The following RGS9 variants were observed in gnomAD, a reference collection of about 807,000 sequenced individuals.
RGS9 encodes regulator of G protein signaling 9.
In RGS9, 78 loss-of-function variants were observed where a neutral mutation model predicts 102.0. That is an observed-to-expected ratio of 0.76 (90% CI 0.64 to 0.92). RGS9 has a LOEUF of 0.92. Ranked by LOEUF, RGS9 falls within the 40% of genes least tolerant of loss-of-function variation. The pLI, the probability that RGS9 is intolerant of heterozygous loss-of-function variation, is 0.00. For missense variants in RGS9, 833 were observed against 866.1 expected, an observed-to-expected ratio of 0.96 and a Z score of 0.48; for synonymous variants, 353 against 318.6, an observed-to-expected ratio of 1.11 and a Z score of -1.15.
chr17:65,225,083 T>G lies in RGS9; in HGVS notation c.1489T>G (p.Ser497Ala), dbSNP rs766182990. ...CMPPSPSSPF[S>A]SSCRSPRKPF... is the part of the protein sequence containing the mutation. ...GCCCCCGTCTCCTTCTAGCCCCTTC[T>G]CCTCCTCCTGCCGCTCCCCCAGGAA... Residue 497 changes from serine to alanine, a missense_variant, in exon 18 of 19, where the codon TCC becomes GCC. Ser to Ala is a moderately conservative substitution (Grantham distance 99, BLOSUM62 1). Coordinates refer to ENST00000262406, the MANE Select transcript of RGS9 (RefSeq NM_003835.4). The G allele has an allele frequency of 1.2e-6, 2 of 1,613,622 alleles. No homozygotes were observed. The highest frequency in any genetic ancestry group is 2.2e-5 in the South Asian group (2 of 91,068).
chr17:65,165,394 T>C (rs1911138359), intron 7 of RGS9, among the ~76,000 whole-genome samples: 1 of 152,166 alleles, frequency 6.6e-6, no homozygotes, highest in Non-Finnish European at 1.5e-5. Flanking sequence ...CCACTTATTT[T>C]ATGGCTTAAA....
chr17:65,174,443 ACATGTGTG>A lies in RGS9; in HGVS notation c.583-3280_583-3273del, dbSNP rs368891724. Reference sequence around the variant, plus strand: ...TGAATGTATGTGTGCGAGTGTGTGTACATGTGTGCATGTGTGTGAGCATGTATGTCAGT... The same window carrying A: ...TGAATGTATGTGTGCGAGTGTGTGTACATGTGTGTGAGCATGTATGTCAGT... On this transcript the variant is annotated intron_variant, in intron 8 of 18. Transcript: ENST00000262406. Among the ~76,000 whole-genome samples the A allele has an allele frequency of 1.3e-3, 190 of 151,902 alleles. 1 individual carries two copies. The South Asian group carries it at 0.014, about 11-fold the overall frequency.
At position 65,160,840 on chromosome 17, in the gene RGS9, T is replaced by C; in HGVS notation, c.365-11T>C. 1 of 1,613,178 alleles carries C rather than the reference T, an allele frequency of 6.2e-7. No individual in the cohort carries two copies. Among genetic ancestry groups the C allele is most frequent in the Non-Finnish European group, 8.5e-7 (1 of 1,179,094 alleles). Reference sequence around the variant, plus strand: ...GATGATGATGGAAAATGTCATTGCTTTCTTTTCCAGCCATCTATCTGGCCA... The same window carrying C: ...GATGATGATGGAAAATGTCATTGCTCTCTTTTCCAGCCATCTATCTGGCCA... On this transcript the variant is annotated splice_polypyrimidine_tract_variant and intron_variant, in intron 5 of 18. Coordinates refer to ENST00000262406, the MANE Select transcript of RGS9 (RefSeq NM_003835.4).
At position 65,160,266 on chromosome 17, in the gene RGS9, A is replaced by G; in HGVS notation, c.239A>G (p.Tyr80Cys). The change falls in exon 4 of 19, where the codon TAT (tyrosine) becomes TGT (cysteine). Residue 80 changes from tyrosine (Y) to cysteine (C), a missense_variant. Around this residue, in one of 3 missense-constraint regions of RGS9, gnomAD observed 328 missense variants for 340.6 expected, o/e 0.96. Coordinates refer to ENST00000262406, the MANE Select transcript of RGS9 (RefSeq NM_003835.4). ...AACTTGGGCAACTTTATTGTCAGGT[A>G]TGGCTACATTTACCCCCTGCAAGAC... ...AQNLGNFIVR[Y>C]GYIYPLQDPK... The G allele has an allele frequency of 1.2e-6, 2 of 1,614,196 alleles. No homozygotes were observed. Among genetic ancestry groups the G allele is most frequent in the South Asian group, 1.1e-5 (1 of 91,078 alleles).
intron 17 of RGS9, among the ~76,000 whole-genome samples, chr17:65,212,971 AAAG>A (rs1179425433): frequency 6.6e-6 from 1 of 152,218 alleles, no homozygotes; most frequent in African/African-American, 2.4e-5. Context: ...TGAATGAATG[AAAG>A]AATGAATGAA....
intron 7 of RGS9, among the ~76,000 whole-genome samples, chr17:65,167,191 GC>G (rs1182458861): frequency 3.3e-5 from 5 of 152,044 alleles, no homozygotes; most frequent in Admixed American, 6.6e-5. Context: ...AAAATAAACA[GC>G]CCTTTTTTAT....
At chr17:65,208,058 G>A in intron 16 of RGS9, 51 bp downstream of exon 16, 2 of 1,259,202 alleles carry the variant, frequency 1.6e-6, no homozygotes, top group Middle Eastern at 3.7e-4. Context: ...AGTTTACAGA[G>A]AAGTGAGGGT....
chr17:65,215,994 A>C (rs1264902946), intron 17 of RGS9, among the ~76,000 whole-genome samples: 1 of 152,178 alleles, frequency 6.6e-6, no homozygotes, highest in Non-Finnish European at 1.5e-5. Flanking sequence ...CAAGCAGAAC[A>C]GAAGGAGAAT....
At chr17:65,196,678 A>G (rs1567883516) in intron 12 of RGS9, among the ~76,000 whole-genome samples, 1 of 149,796 alleles carries the variant, frequency 6.7e-6, no homozygotes, top group African/African-American at 2.4e-5. Flanking sequence ...GTGCCATGGT[A>G]GGGGGGCAGC....
intron 8 of RGS9, among the ~76,000 whole-genome samples, chr17:65,169,203 T>G (rs1203738992): frequency 6.6e-6 from 1 of 152,192 alleles, no homozygotes; most frequent in Non-Finnish European, 1.5e-5. Context: ...TTGCTTATAT[T>G]CTTTATATAC....
At chr17:65,209,260 C>A (rs1913194198) in intron 16 of RGS9, among the ~76,000 whole-genome samples, 1 of 152,206 alleles carries the variant, frequency 6.6e-6, no homozygotes, top group African/African-American at 2.4e-5. Flanking sequence ...TATTCAAACT[C>A]AATTTTTGCA....
intron 18 of RGS9, 183 bp downstream of exon 18, chr17:65,225,669 CT>C: frequency 1.3e-6 from 1 of 752,184 alleles, no homozygotes; most frequent in East Asian, 2.7e-5. Flanking sequence ...CTCTGCTGTC[CT>C]CCCGAGGGAG....
At chr17:65,211,237 T>C (rs1427449287) in intron 17 of RGS9, among the ~76,000 whole-genome samples, 1 of 152,218 alleles carries the variant, frequency 6.6e-6, no homozygotes, top group African/African-American at 2.4e-5. Context: ...GTACTTTCTC[T>C]GAACTCCCCT....
At chr17:65,210,685 G>T (rs1331677520) in intron 17 of RGS9, 80 bp downstream of exon 17, 1 of 1,595,954 alleles carries the variant, frequency 6.3e-7, no homozygotes, top group Non-Finnish European at 8.5e-7. Flanking sequence ...TGGGGGTGGG[G>T]TCATGCACTT....
At chr17:65,177,152 G>GTCCA (rs369454296) in intron 8 of RGS9, among the ~76,000 whole-genome samples, 6,986 of 121,508 alleles carry the variant, frequency 0.057, 225 homozygotes, top group Middle Eastern at 0.11. Context: ...TTATCTGTCC[G>GTCCA]TCCATCCATC....
chr17:65,161,026 A>C (rs1910964422), intron 6 of RGS9, 117 bp downstream of exon 6: 2 of 840,390 alleles, frequency 2.4e-6, no homozygotes, highest in Non-Finnish European at 4.1e-6. Context: ...TATGCAATCC[A>C]TCCAGCCAGC....
chr17:65,224,657 C>T (rs1463330530), intron 17 of RGS9, among the ~76,000 whole-genome samples: 1 of 152,130 alleles, frequency 6.6e-6, no homozygotes, highest in African/African-American at 2.4e-5. Flanking sequence ...ATGCATTGCT[C>T]ATTTGGGGAC....
intron 8 of RGS9, among the ~76,000 whole-genome samples, chr17:65,175,905 TATA>T (rs1487380077): frequency 9.9e-5 from 15 of 152,242 alleles, no homozygotes; most frequent in African/African-American, 3.4e-4. Context: ...AGTATAAATA[TATA>T]ATAAGCATCA....
At chr17:65,220,241 A>G (rs1339596518) in intron 17 of RGS9, among the ~76,000 whole-genome samples, 1 of 152,198 alleles carries the variant, frequency 6.6e-6, no homozygotes, top group African/African-American at 2.4e-5. Flanking sequence ...AAACATTGTC[A>G]TCTCAAACCA....
Sources: allele counts gnomAD v4.1 joint callset (sites outside exome capture counted in the v4.1 genomes callset), GRCh38; gene constraint gnomAD v4.1.1; regional missense constraint gnomAD v4.1.1; transcripts MANE v1.5; gene names NCBI Gene and HGNC (gene_info 2026-07-23, HGNC 2026-07-21).